Variants in GULP1 observed in about 807,000 individuals in gnomAD.
The protein encoded by GULP1 is GULP PTB domain containing engulfment adaptor 1, also known as PTB domain-containing engulfment adapter protein 1.
In GULP1, 19 loss-of-function variants were observed where a neutral mutation model predicts 40.9. That is an observed-to-expected ratio of 0.46 (90% CI 0.32 to 0.68). GULP1 has a LOEUF of 0.68. Ranked by LOEUF, GULP1 falls within the 30% of genes least tolerant of loss-of-function variation. The pLI is 0.03. For missense variants in GULP1, 312 were observed against 362.2 expected (o/e 0.86, Z 1.12); for synonymous variants, 119 against 117.6 (o/e 1.01, Z -0.08).
At chr2:188,563,418 T>A (rs770504816) in intron 7 of GULP1, among the ~76,000 whole-genome samples, 1 of 150,940 alleles carries the variant, frequency 6.6e-6, no homozygotes, top group Non-Finnish European at 1.5e-5. Context: ...TTGATAAATA[T>A]CTTGAAACTC....
intron 1 of GULP1, among the ~76,000 whole-genome samples, chr2:188,361,967 G>A (rs1009806271): frequency 6.6e-6 from 1 of 151,670 alleles, no homozygotes; most frequent in Non-Finnish European, 1.5e-5. Flanking sequence ...AATGTTTTTT[G>A]TAAATACTGA....
chr2:188,512,273 AT>A (rs1420755243), intron 4 of GULP1, among the ~76,000 whole-genome samples: 1 of 152,176 alleles, frequency 6.6e-6, no homozygotes, highest in African/African-American at 2.4e-5. Flanking sequence ...TTTTTAAAAA[AT>A]AATGAGAATA....
intron 1 of GULP1, among the ~76,000 whole-genome samples, chr2:188,371,836 C>T (rs538622606): frequency 6.6e-6 from 1 of 152,162 alleles, no homozygotes; most frequent in Non-Finnish European, 1.5e-5. Flanking sequence ...CAATACAATG[C>T]ACAACATTGA....
At chr2:188,417,037 T>C (rs2054673918) in intron 2 of GULP1, among the ~76,000 whole-genome samples, 1 of 152,198 alleles carries the variant, frequency 6.6e-6, no homozygotes, top group South Asian at 2.1e-4. Flanking sequence ...AAAGTTAAAT[T>C]CCATTATAAA....
intron 1 of GULP1, chr2:188,297,464 G>A (rs2035212860): frequency 2.1e-6 from 1 of 470,692 alleles, no homozygotes; most frequent in East Asian, 6.7e-5. Flanking sequence ...CTTAATATTA[G>A]GTGTTACAGT....
At chr2:188,393,956 C>A (rs1334023701) in intron 2 of GULP1, among the ~76,000 whole-genome samples, 1 of 152,038 alleles carries the variant, frequency 6.6e-6, no homozygotes, top group Non-Finnish European at 1.5e-5. Context: ...TCTTAGAATT[C>A]TTTTTTTAAA....
intron 2 of GULP1, among the ~76,000 whole-genome samples, chr2:188,437,515 TA>T (rs1048587931): frequency 1.3e-5 from 2 of 152,090 alleles, no homozygotes; most frequent in African/African-American, 4.8e-5. Context: ...TTCTTTAAAA[TA>T]ATGTTTAGTA....
At chr2:188,295,111 A>C (rs191844926) in intron 1 of GULP1, among the ~76,000 whole-genome samples, 2 of 152,226 alleles carry the variant, frequency 1.3e-5, no homozygotes, top group Non-Finnish European at 2.9e-5. Flanking sequence ...TTTATACACA[A>C]GACCAGTTAT....
intron 4 of GULP1, 59 bp downstream of exon 4, chr2:188,483,551 T>C: frequency 1.5e-6 from 1 of 662,536 alleles, no homozygotes; most frequent in Non-Finnish European, 2.6e-6. Flanking sequence ...TACTAATTCA[T>C]GGCTAATCTC....
At chr2:188,486,680 T>A (rs552696994) in intron 4 of GULP1, among the ~76,000 whole-genome samples, 5 of 152,150 alleles carry the variant, frequency 3.3e-5, no homozygotes, top group African/African-American at 1.2e-4. Flanking sequence ...TGATTTGAGA[T>A]CATTTGTCGA....
rs2153480721 is a variant in GULP1 at position 188,595,736 on chromosome 2, ATATGT to A, written c.*1728_*1732del. ...CTAAGATGGTATTTGCACATTTAAGATATGTTACTTTACCAATTTTTAATGGTAAT... is the reference window on the plus strand; with the variant it reads ...CTAAGATGGTATTTGCACATTTAAGATACTTTACCAATTTTTAATGGTAAT... On this transcript the variant is annotated 3_prime_UTR_variant, in exon 12 of 12. Transcript: ENST00000409830. The A allele has an allele frequency of 6.6e-6, 1 of 152,318 alleles. No individual in the cohort carries two copies. The highest frequency in any genetic ancestry group is 1.5e-5 in the Non-Finnish European group (1 of 67,768). The allele number at this position is 152,318 out of a possible 1,614,324, so 9.4% of individuals were successfully genotyped here. A position where few individuals can be genotyped will look rare whatever the true frequency, so the allele number is the denominator to read the frequency against.
chr2:188,303,970 CCCCTCTGCCCTTACAGAATAGGAGTA>C (rs2036599160), intron 1 of GULP1, among the ~76,000 whole-genome samples: 1 of 152,062 alleles, frequency 6.6e-6, no homozygotes, highest in Non-Finnish European at 1.5e-5. Context: ...TCCTGGGGCC[CCCCTCTGCCCTTACAGAATAGGAGTA>C]CCCTCTGGCG....
intron 2 of GULP1, among the ~76,000 whole-genome samples, chr2:188,419,071 A>G (rs2054992273): frequency 6.6e-6 from 1 of 152,074 alleles, no homozygotes; most frequent in Admixed American, 6.6e-5. Context: ...TTTTAGAGTT[A>G]TTTTTAAACG....
At chr2:188,530,174 G>T (rs2153233702) in intron 6 of GULP1, among the ~76,000 whole-genome samples, 1 of 152,250 alleles carries the variant, frequency 6.6e-6, no homozygotes. Context: ...GCAGTTTGTT[G>T]TATAGGAACT....
chr2:188,322,552 T>A (rs1559109903), intron 1 of GULP1, among the ~76,000 whole-genome samples: 1 of 152,144 alleles, frequency 6.6e-6, no homozygotes, highest in South Asian at 2.1e-4. Context: ...TTGTAGCTAT[T>A]CTTTTACCAG....
At chr2:188,307,441 T>A (rs1041826814) in intron 1 of GULP1, among the ~76,000 whole-genome samples, 8 of 104,738 alleles carry the variant, frequency 7.6e-5, no homozygotes. Context: ...TTTTCGAGAT[T>A]TTTTTTTTTA....
At chr2:188,390,597 G>A (rs1045290233) in intron 2 of GULP1, among the ~76,000 whole-genome samples, 3 of 152,022 alleles carry the variant, frequency 2.0e-5, no homozygotes, top group African/African-American at 4.8e-5. Flanking sequence ...TTCTTTTGCT[G>A]TATGGAAGAT....
intron 1 of GULP1, among the ~76,000 whole-genome samples, chr2:188,318,009 A>C (rs2039381854): frequency 6.6e-6 from 1 of 152,064 alleles, no homozygotes; most frequent in Non-Finnish European, 1.5e-5. Flanking sequence ...ATTTATTGTA[A>C]ATTGCCCTAA....
At chr2:188,367,054 T>C (rs1295001475) in intron 1 of GULP1, among the ~76,000 whole-genome samples, 1 of 152,230 alleles carries the variant, frequency 6.6e-6, no homozygotes, top group Non-Finnish European at 1.5e-5. Context: ...GTTTTTACCT[T>C]TATATGTAGT....
Sources: gnomAD v4.1 joint callset for allele counts (sites outside exome capture counted in the v4.1 genomes callset) on GRCh38, gnomAD v4.1.1 for gene constraint, MANE v1.5 for transcripts, NCBI Gene and HGNC (gene_info 2026-07-23, HGNC 2026-07-21) for gene names.